RBFOX1: variants seen among roughly 807,000 people sequenced by gnomAD.
RBFOX1 encodes RNA binding protein fox-1 homolog 1.
Under a neutral mutation model 57.7 loss-of-function variants are expected in RBFOX1, and 8 were observed. The observed-to-expected ratio is 0.14, with a 90% confidence interval of 0.08 to 0.25. RBFOX1 has a LOEUF of 0.25. RBFOX1 is among the 10% of genes least tolerant of loss of function. RBFOX1 has a pLI of 1.00. For missense variants in RBFOX1, 611 were observed against 548.5 expected (o/e 1.11, Z -1.14); for synonymous variants, 326 against 222.4 (o/e 1.47, Z -4.15).
In RBFOX1 at chr16:6,941,245, C is replaced by G. The variant is rs927692350; in HGVS notation, c.-15-110812C>G. 1.2e-4 allele frequency among the ~76,000 whole-genome samples: 17 copies of G among 136,322 alleles called. 1 individual carries two copies. Among genetic ancestry groups the G allele is most frequent in the African/African-American group, 4.0e-4 (15 of 37,598 alleles). 89.4% of individuals were successfully genotyped at this position (136,322 alleles called of 152,430 possible). A position where few individuals can be genotyped will look rare whatever the true frequency, so the allele number is the denominator to read the frequency against. On this transcript the variant is annotated intron_variant, in intron 3 of 15. Coordinates refer to ENST00000550418, the MANE Select transcript of RBFOX1 (RefSeq NM_018723.4). ...CATTACCTCCCTCCCTCCATCCCCT[C>G]CCATTCCCTCCCTCCCATTTCCTCT...
At chr16:6,826,209 C>T (rs541910373) in intron 3 of RBFOX1, among the ~76,000 whole-genome samples, 10 of 152,018 alleles carry the variant, frequency 6.6e-5, no homozygotes, top group South Asian at 2.1e-4. Flanking sequence ...AGTCAGTCGA[C>T]GCATGTAAGA....
chr16:7,264,446 A>T (rs1325589793), intron 4 of RBFOX1, among the ~76,000 whole-genome samples: 1 of 152,214 alleles, frequency 6.6e-6, no homozygotes, highest in East Asian at 1.9e-4. Context: ...GTCTTGCTCA[A>T]ACTCACAAAG....
intron 2 of RBFOX1, among the ~76,000 whole-genome samples, chr16:6,412,758 G>C (rs948494335): frequency 2.0e-5 from 3 of 152,124 alleles, no homozygotes; most frequent in African/African-American, 7.2e-5. Flanking sequence ...TAGTTGTCTC[G>C]GAACCATCTA....
intron 3 of RBFOX1, among the ~76,000 whole-genome samples, chr16:5,776,378 G>A (rs2054148816): frequency 6.6e-6 from 1 of 152,154 alleles, no homozygotes. Flanking sequence ...CATTCCTTCA[G>A]CAGCATGAGA....
chr16:6,068,086 G>C (rs1177380618), intron 1 of RBFOX1, among the ~76,000 whole-genome samples: 1 of 126,864 alleles, frequency 7.9e-6, no homozygotes, highest in East Asian at 2.5e-4. Flanking sequence ...TTGATATTAG[G>C]CTCTTCATTC....
At chr16:6,689,764 C>G (rs1294966407) in intron 3 of RBFOX1, among the ~76,000 whole-genome samples, 1 of 152,190 alleles carries the variant, frequency 6.6e-6, no homozygotes, top group Non-Finnish European at 1.5e-5. Flanking sequence ...ACAGAGAGCC[C>G]AGCTGTTTTG....
chr16:6,073,198 C>G (rs1251376148), intron 1 of RBFOX1, among the ~76,000 whole-genome samples: 5 of 152,164 alleles, frequency 3.3e-5, no homozygotes, highest in Non-Finnish European at 1.5e-5. Context: ...TTAATATCAT[C>G]TACTCCACTG....
intron 4 of RBFOX1, among the ~76,000 whole-genome samples, chr16:5,869,803 A>G (rs1217233381): frequency 6.6e-6 from 1 of 152,196 alleles, no homozygotes; most frequent in African/African-American, 2.4e-5. Flanking sequence ...TAAAAATCCA[A>G]CAATTCCACT....
At chr16:7,631,134 G>A (rs892778111) in intron 11 of RBFOX1, among the ~76,000 whole-genome samples, 1 of 151,878 alleles carries the variant, frequency 6.6e-6, no homozygotes, top group African/African-American at 2.4e-5. Context: ...TTGTTTGCAA[G>A]GCTGTTCTGT....
At chr16:6,774,637 C>G (rs1481726556) in intron 3 of RBFOX1, among the ~76,000 whole-genome samples, 1 of 152,024 alleles carries the variant, frequency 6.6e-6, no homozygotes, top group Non-Finnish European at 1.5e-5. Context: ...ATTGTATGAG[C>G]TATATATGTC....
At chr16:7,095,651 C>T (rs185952825) in intron 4 of RBFOX1, among the ~76,000 whole-genome samples, 12 of 152,270 alleles carry the variant, frequency 7.9e-5, no homozygotes, top group Admixed American at 7.8e-4. Context: ...AATGTGTTTA[C>T]AGATGATAAT....
At chr16:5,611,358 C>G (rs1474489591) in intron 3 of RBFOX1, 2 of 152,248 alleles carry the variant, frequency 1.3e-5, no homozygotes, top group Non-Finnish European at 2.9e-5. Flanking sequence ...TCTGACACAT[C>G]TAGTTTGACA....
intron 1 of RBFOX1, among the ~76,000 whole-genome samples, chr16:5,415,826 C>G (rs1383115918): frequency 2.6e-5 from 4 of 152,102 alleles, no homozygotes; most frequent in Non-Finnish European, 5.9e-5. Context: ...TCCTGTATCT[C>G]CCATTAAGGC....
At chr16:5,784,922 C>G (rs12149077) in intron 3 of RBFOX1, among the ~76,000 whole-genome samples, 20,549 of 152,108 alleles carry the variant, frequency 0.14, 1,495 homozygotes, top group Non-Finnish European at 0.14. Context: ...ACAGATTTCT[C>G]TTGTTTATAA....
chr16:5,476,083 C>G (rs962411021), intron 2 of RBFOX1, among the ~76,000 whole-genome samples: 1 of 152,158 alleles, frequency 6.6e-6, no homozygotes, highest in African/African-American at 2.4e-5. Flanking sequence ...CCCTCCTTCT[C>G]TTAGACTTAT....
chr16:5,904,083 C>T (rs1285903766), intron 4 of RBFOX1, among the ~76,000 whole-genome samples: 1 of 152,108 alleles, frequency 6.6e-6, no homozygotes, highest in African/African-American at 2.4e-5. Context: ...CCCTGCTCCC[C>T]TGTGTCATGA....
At chr16:5,702,850 C>G (rs1030701716) in intron 3 of RBFOX1, among the ~76,000 whole-genome samples, 4 of 152,166 alleles carry the variant, frequency 2.6e-5, no homozygotes, top group Non-Finnish European at 4.4e-5. Flanking sequence ...AGATAACACC[C>G]TCTATGCCCA....
chr16:6,526,053 C>T (rs772815267), intron 2 of RBFOX1, among the ~76,000 whole-genome samples: 72 of 152,190 alleles, frequency 4.7e-4, no homozygotes, highest in Non-Finnish European at 9.3e-4. Flanking sequence ...ATGGTGTTCT[C>T]ATCACTTACA....
At chr16:5,714,868 AG>A (rs1238549366) in intron 3 of RBFOX1, among the ~76,000 whole-genome samples, 3 of 152,300 alleles carry the variant, frequency 2.0e-5, no homozygotes, top group African/African-American at 7.2e-5. Flanking sequence ...AAGGTCACGT[AG>A]CTAGTAGACA....
Sources: gnomAD v4.1 joint callset for allele counts (sites outside exome capture counted in the v4.1 genomes callset) on GRCh38, gnomAD v4.1.1 for gene constraint, MANE v1.5 for transcripts, NCBI Gene and HGNC (gene_info 2026-07-23, HGNC 2026-07-21) for gene names.